Variants in ZNF599 observed in about 807,000 individuals in gnomAD.
The protein encoded by ZNF599 is zinc finger protein 599.
ZNF599 carries 10 observed loss-of-function variants against 11.7 expected under a neutral mutation model. The ratio of observed to expected loss-of-function variants is 0.86; its 90% confidence interval spans 0.53 to 1.45. The LOEUF (loss-of-function observed/expected upper bound fraction) is 1.45, where lower values mean the gene tolerates loss of function less well. Ranked by LOEUF, ZNF599 falls within the 40% of genes most tolerant of loss-of-function variation. ZNF599 has a pLI of 0.00. For missense variants in ZNF599, 688 were observed against 713.6 expected, an observed-to-expected ratio of 0.96 and a Z score of 0.41; for synonymous variants, 232 against 253.2, an observed-to-expected ratio of 0.92 and a Z score of 0.79.
At chr19:34,783,675 T>A in the ZNF599 span, among the ~76,000 whole-genome samples, 2 of 152,056 alleles carry the variant, frequency 1.3e-5, no homozygotes, top group Non-Finnish European at 2.9e-5. Context: ...AAATATTTTT[T>A]AAAAAAACAT....
At chr19:34,788,298 A>T in the ZNF599 span, among the ~76,000 whole-genome samples, 2 of 152,174 alleles carry the variant, frequency 1.3e-5, no homozygotes, top group Non-Finnish European at 2.9e-5. Context: ...AATCCCATCC[A>T]GTCACTGTCT....
the ZNF599 span, among the ~76,000 whole-genome samples, chr19:34,799,698 A>T: frequency 6.6e-6 from 1 of 152,220 alleles, no homozygotes; most frequent in Admixed American, 6.5e-5. Flanking sequence ...AAAGGAAGAG[A>T]CACCAGAGAT....
At chr19:34,783,429 T>C in the ZNF599 span, among the ~76,000 whole-genome samples, 2 of 152,114 alleles carry the variant, frequency 1.3e-5, no homozygotes, top group Non-Finnish European at 2.9e-5. Flanking sequence ...ATATGGGTGC[T>C]CCTTAGTTGT....
chr19:34,791,898 A>G, the ZNF599 span: 1 of 152,216 alleles, frequency 6.6e-6, no homozygotes. Context: ...CTCAGTTCCA[A>G]TTTTGGAAGA....
the ZNF599 span, among the ~76,000 whole-genome samples, chr19:34,799,501 G>A: frequency 6.6e-6 from 1 of 152,026 alleles, no homozygotes; most frequent in Non-Finnish European, 1.5e-5. Flanking sequence ...TTCAGTTTGG[G>A]GAAATTATGA....
At chr19:34,805,442 C>T in the ZNF599 span, among the ~76,000 whole-genome samples, 23 of 152,134 alleles carry the variant, frequency 1.5e-4, no homozygotes, top group East Asian at 1.7e-3. Flanking sequence ...GTGATCCACC[C>T]GCCTCGGCCT....
At chr19:34,781,367 A>G in the ZNF599 span, among the ~76,000 whole-genome samples, 481 of 152,336 alleles carry the variant, frequency 3.2e-3, 2 homozygotes, top group Non-Finnish European at 5.8e-3. Context: ...GATTCCTGAC[A>G]GGTGACACTT....
Position 34,772,875 on chromosome 19 carries a change from G to T in ZNF599, c.-34C>A. 1.4e-6 allele frequency: 2 copies of T among 1,436,634 alleles called. No individual in the cohort carries two copies. The highest frequency in any genetic ancestry group is 1.8e-6 in the Non-Finnish European group (2 of 1,100,106). 89.0% of individuals were successfully genotyped at this position (1,436,634 alleles called of 1,614,324 possible). A position where few individuals can be genotyped will look rare whatever the true frequency, so the allele number is the denominator to read the frequency against. Reference sequence around the variant, plus strand: ...GGGGCTGGGTGAGGCCGTGAGAGTCGGCGAGGAAGCCGGTCCTGCGGGCTC... The same window carrying T: ...GGGGCTGGGTGAGGCCGTGAGAGTCTGCGAGGAAGCCGGTCCTGCGGGCTC... On this transcript the variant is annotated 5_prime_UTR_variant, in exon 1 of 4. Transcript: ENST00000329285.
At chr19:34,776,028 T>C (rs1313341628), upstream of ZNF599, among the ~76,000 whole-genome samples, 5 of 152,170 alleles carry the variant, frequency 3.3e-5, no homozygotes, top group Non-Finnish European at 7.4e-5. Flanking sequence ...TCAAATGAAA[T>C]TAGATGAAAT....
At chr19:34,806,808 G>T in the ZNF599 span, among the ~76,000 whole-genome samples, 1 of 152,138 alleles carries the variant, frequency 6.6e-6, no homozygotes, top group Non-Finnish European at 1.5e-5. Flanking sequence ...TCACTGTCCA[G>T]CCCAAAACCC....
At chr19:34,765,043 TAA>T (rs34001569) in intron 3 of ZNF599, 4 of 143,020 alleles carry the variant, frequency 2.8e-5, no homozygotes, top group Non-Finnish European at 4.6e-5. Context: ...GTAAGAGCAC[TAA>T]AAAAAAAAAA....
At chr19:34,765,163 G>A (rs2069134519) in intron 3 of ZNF599, 1 of 161,428 alleles carries the variant, frequency 6.2e-6, no homozygotes, top group Admixed American at 6.1e-5. Context: ...GTTCCCTGAT[G>A]CAGCTGAGAG....
At chr19:34,781,080 C>T in the ZNF599 span, among the ~76,000 whole-genome samples, 2 of 151,792 alleles carry the variant, frequency 1.3e-5, no homozygotes, top group African/African-American at 4.8e-5. Flanking sequence ...GGCGTGAACC[C>T]GGGAGGCGGA....
the ZNF599 span, among the ~76,000 whole-genome samples, chr19:34,785,372 C>T: frequency 6.6e-6 from 1 of 152,148 alleles, no homozygotes; most frequent in Admixed American, 6.5e-5. Flanking sequence ...GCCTCTACAG[C>T]CTGCTCTCCT....
chr19:34,802,895 G>A, the ZNF599 span, among the ~76,000 whole-genome samples: 1 of 152,154 alleles, frequency 6.6e-6, no homozygotes, highest in African/African-American at 2.4e-5. Flanking sequence ...ACTGAAGAAG[G>A]GAGGAGCCAG....
chr19:34,797,909 G>A, the ZNF599 span, among the ~76,000 whole-genome samples: 2 of 152,174 alleles, frequency 1.3e-5, no homozygotes, highest in Non-Finnish European at 2.9e-5. Flanking sequence ...AGATAAGGGT[G>A]TTTATAGCCC....
rs1286298227 is a variant in ZNF599 at position 34,767,350 on chromosome 19, T to C, written c.207A>G (p.Thr69=). The C allele has an allele frequency of 1.9e-6, 3 of 1,614,072 alleles. No individual in the cohort carries two copies. The highest frequency in any genetic ancestry group is 8.5e-7 in the Non-Finnish European group (1 of 1,180,042). Residue 69 remains threonine (T), a synonymous_variant, in exon 3 of 4, where the codon ACA becomes ACG. Transcript: ENST00000329285. ...YLLEHGQELW[T]VKRGLSQSTC... Reference sequence around the variant, plus strand: ...TGCTTTGGGAGAGGCCTCTCTTCACTGTCCACAGTTCCTGTCCATGTTCCA... The same window carrying C: ...TGCTTTGGGAGAGGCCTCTCTTCACCGTCCACAGTTCCTGTCCATGTTCCA...
the ZNF599 span, among the ~76,000 whole-genome samples, chr19:34,780,384 C>A: frequency 1.3e-5 from 2 of 152,012 alleles, no homozygotes; most frequent in Non-Finnish European, 2.9e-5. Context: ...TAGTGTGCAC[C>A]TATAGTCCCA....
rs922918195 is a variant in ZNF599 at position 34,769,547 on chromosome 19, T to C, written c.27A>G (p.Val9=). The C allele has an allele frequency of 6.8e-6, 11 of 1,613,132 alleles. No homozygotes were observed. The African/African-American group carries it at 1.5e-4, about 22-fold the overall frequency. The change falls in exon 2 of 4, where the codon GTA becomes GTG. Residue 9 remains valine (V), a synonymous_variant. Coordinates refer to ENST00000329285, the MANE Select transcript of ZNF599 (RefSeq NM_001007248.3). The part of the protein sequence containing the change: MAAPALAL[V]SFEDVVVTFT... ...AGGTCACAACCACGTCTTCAAATGATACTAATGCCTGGGAAGTCAAACAGA... is the reference window on the plus strand; with the variant it reads ...AGGTCACAACCACGTCTTCAAATGACACTAATGCCTGGGAAGTCAAACAGA...
Sources: allele counts gnomAD v4.1 joint callset (sites outside exome capture counted in the v4.1 genomes callset), GRCh38; gene constraint gnomAD v4.1.1; transcripts MANE v1.5; gene names NCBI Gene and HGNC (gene_info 2026-07-23, HGNC 2026-07-21).